Variants in PTPRZ1 observed in about 807,000 individuals in gnomAD.
PTPRZ1 encodes protein tyrosine phosphatase receptor type Z1.
Under a neutral mutation model 214.1 loss-of-function variants are expected in PTPRZ1, and 82 were observed. That is an observed-to-expected ratio of 0.38 (90% confidence interval 0.32 to 0.46). The LOEUF (loss-of-function observed/expected upper bound fraction) is 0.46. PTPRZ1 is among the 20% of genes least tolerant of loss of function. PTPRZ1 has a pLI of 1.00. For missense variants in PTPRZ1, 2,603 were observed against 2,748.7 expected (o/e 0.95, Z 1.19); for synonymous variants, 945 against 987.9 (o/e 0.96, Z 0.81).
chr7:122,048,669 A>T (rs990979172), intron 23 of PTPRZ1, among the ~76,000 whole-genome samples: 10 of 152,168 alleles, frequency 6.6e-5, no homozygotes, highest in Admixed American at 2.6e-4. Flanking sequence ...TTAAAGGAAA[A>T]ATATAATGAA....
At chr7:121,898,923 T>C (rs1794881005) in intron 1 of PTPRZ1, among the ~76,000 whole-genome samples, 1 of 152,166 alleles carries the variant, frequency 6.6e-6, no homozygotes, top group South Asian at 2.1e-4. Flanking sequence ...GCATGAGGAA[T>C]TGATATGAGA....
rs527870413 is a variant in PTPRZ1, at chr7:121,974,202, A to G, written c.456+1510A>G. 7.2e-5 allele frequency among the ~76,000 whole-genome samples: 11 copies of G among 152,300 alleles called. No homozygotes were observed. The South Asian group carries it at 1.2e-3, about 17-fold the overall frequency. On this transcript the variant is annotated intron_variant, in intron 4 of 29. Transcript: ENST00000393386. Reference sequence around the variant, plus strand: ...TCGACATTCATTTACAGCTTATACTATGGATTTTTTCTTTATTCAATATTT... The same window carrying G: ...TCGACATTCATTTACAGCTTATACTGTGGATTTTTTCTTTATTCAATATTT...
intron 2 of PTPRZ1, among the ~76,000 whole-genome samples, chr7:121,928,812 G>A (rs1003781322): frequency 2.6e-5 from 4 of 152,190 alleles, no homozygotes; most frequent in African/African-American, 7.2e-5. Context: ...GCTTGAAATA[G>A]TTACAACCAA....
chr7:121,943,165 T>G (rs1796277311), intron 2 of PTPRZ1, among the ~76,000 whole-genome samples: 1 of 152,184 alleles, frequency 6.6e-6, no homozygotes, highest in African/African-American at 2.4e-5. Flanking sequence ...ACAAGCGTGC[T>G]TTGTATTTAA....
At chr7:121,961,596 A>G (rs1395453872) in intron 2 of PTPRZ1, among the ~76,000 whole-genome samples, 1 of 152,238 alleles carries the variant, frequency 6.6e-6, no homozygotes, top group African/African-American at 2.4e-5. Flanking sequence ...ACTTGAACTC[A>G]TGCGTATCCC....
intron 29 of PTPRZ1, among the ~76,000 whole-genome samples, chr7:122,060,717 G>A (rs1418024002): frequency 6.6e-6 from 1 of 152,182 alleles, no homozygotes; most frequent in Non-Finnish European, 1.5e-5. Flanking sequence ...TTTCTAACAA[G>A]TAGAGAAAGA....
Position 122,031,547 on chromosome 7 carries a change from TG to T in PTPRZ1, c.5155del (p.Glu1719LysfsTer6), listed in dbSNP as rs1161231975. ...ATTTACATGCAAGTAGTGGGTTTAC[TG>T]AAGAATTTGAGGTATGATTTTAATA... Reference protein sequence around the residue: ...ADLHASSGFTEEFETLKEFYQ... With the variant: ...ADLHASSGFTXEFETLKEFYQ... On this transcript the variant is annotated frameshift_variant, in exon 15 of 30. Transcript: ENST00000393386. LOFTEE classifies it high-confidence loss of function. The T allele has an allele frequency of 6.2e-7, 1 of 1,603,536 alleles. No homozygotes were observed. Among genetic ancestry groups the T allele is most frequent in the East Asian group, 2.2e-5 (1 of 44,622 alleles).
intron 11 of PTPRZ1, among the ~76,000 whole-genome samples, chr7:122,006,919 G>A (rs1350163805): frequency 6.6e-6 from 1 of 152,046 alleles, no homozygotes; most frequent in Non-Finnish European, 1.5e-5. Context: ...AAACTGAAAG[G>A]CAAGAGGGCA....
intron 1 of PTPRZ1, among the ~76,000 whole-genome samples, chr7:121,901,202 A>C (rs762781336): frequency 6.6e-6 from 1 of 152,290 alleles, no homozygotes; most frequent in East Asian, 1.9e-4. Context: ...AGCCCCTTCC[A>C]TAATTCAAGC....
intron 2 of PTPRZ1, among the ~76,000 whole-genome samples, chr7:121,947,549 A>G (rs1796421892): frequency 6.6e-6 from 1 of 152,242 alleles, no homozygotes; most frequent in African/African-American, 2.4e-5. Context: ...TAAATCAATT[A>G]GTAATTCTAT....
At chr7:121,938,950 A>T (rs1796166427) in intron 2 of PTPRZ1, among the ~76,000 whole-genome samples, 1 of 152,192 alleles carries the variant, frequency 6.6e-6, no homozygotes, top group African/African-American at 2.4e-5. Context: ...AGTAAATGTA[A>T]CTAAATCAGT....
intron 1 of PTPRZ1, among the ~76,000 whole-genome samples, chr7:121,874,199 C>G (rs1793981916): frequency 6.6e-6 from 1 of 151,978 alleles, no homozygotes; most frequent in Non-Finnish European, 1.5e-5. Context: ...TAGGTTTGGT[C>G]AGTGCTGCCA....
rs1453535736 is a variant in PTPRZ1 at position 122,061,538 on chromosome 7, A to G, written c.*318A>G. The stretch of plus-strand genomic sequence containing the variant: ...AGGTTAGGAATTCCAAACTACAGAA[A>G]ATGTTTGTTTTTAGTGTCAAATTTT... On this transcript the variant is annotated 3_prime_UTR_variant, in exon 30 of 30. Transcript: ENST00000393386. 5.9e-6 allele frequency: 1 copy of G among 169,804 alleles called. No individual in the cohort carries two copies. The highest frequency in any genetic ancestry group is 2.4e-5 in the African/African-American group (1 of 42,136). The allele number at this position is 169,804 out of a possible 1,614,324, so 10.5% of individuals were successfully genotyped here. A position where few individuals can be genotyped will look rare whatever the true frequency, so the allele number is the denominator to read the frequency against.
intron 1 of PTPRZ1, among the ~76,000 whole-genome samples, chr7:121,886,463 A>AACAC (rs148244179): frequency 0.079 from 11,631 of 147,948 alleles, 734 homozygotes; most frequent in African/African-American, 0.18. Context: ...TATTAAATGT[A>AACAC]ACACACACAC....
At chr7:122,051,317 A>C in intron 23 of PTPRZ1, 111 bp from the exon 24 acceptor site, 1 of 591,800 alleles carries the variant, frequency 1.7e-6, no homozygotes, top group South Asian at 4.2e-5. Context: ...ATTTTTAGTC[A>C]GTATCTTATC....
chr7:121,937,211 A>G (rs1426062781), intron 2 of PTPRZ1, among the ~76,000 whole-genome samples: 1 of 152,152 alleles, frequency 6.6e-6, no homozygotes, highest in Non-Finnish European at 1.5e-5. Flanking sequence ...GGAAACTTGA[A>G]CCCTATTGAG....
intron 14 of PTPRZ1, among the ~76,000 whole-genome samples, chr7:122,029,560 A>C (rs1799312358): frequency 6.6e-6 from 1 of 151,986 alleles, no homozygotes; most frequent in African/African-American, 2.4e-5. Context: ...AAAAGGAGAA[A>C]GTCATCTATG....
chr7:121,973,848 C>T (rs1797337432), intron 4 of PTPRZ1, among the ~76,000 whole-genome samples: 1 of 146,386 alleles, frequency 6.8e-6, no homozygotes. Flanking sequence ...GCATGGGAAT[C>T]ACTTGAACTC....
intron 2 of PTPRZ1, among the ~76,000 whole-genome samples, chr7:121,961,156 A>G (rs887727127): frequency 3.9e-5 from 6 of 152,310 alleles, no homozygotes; most frequent in African/African-American, 1.2e-4. Context: ...CTTCCTGCCT[A>G]TCCTGCATTC....
Sources: allele counts gnomAD v4.1 joint callset (sites outside exome capture counted in the v4.1 genomes callset), GRCh38; gene constraint gnomAD v4.1.1; transcripts MANE v1.5; gene names NCBI Gene and HGNC (gene_info 2026-07-23, HGNC 2026-07-21).